TRAPPC9: variants seen among roughly 807,000 people sequenced by gnomAD.
TRAPPC9 encodes trafficking protein particle complex subunit 9, also known as IKK2 binding protein.
TRAPPC9 carries 83 observed loss-of-function variants against 124.0 expected under a neutral mutation model. The observed-to-expected ratio is 0.67, with a 90% confidence interval of 0.56 to 0.80. The LOEUF (loss-of-function observed/expected upper bound fraction) is 0.80. Among genes scored for constraint, TRAPPC9 ranks in the 30% least tolerant of loss-of-function variants. The pLI, the probability that TRAPPC9 is intolerant of heterozygous loss-of-function variation, is 0.00. For synonymous variants in TRAPPC9, 638 were observed against 617.5 expected, an observed-to-expected ratio of 1.03 and a Z score of -0.49; for missense variants, 1,302 against 1,508.3, an observed-to-expected ratio of 0.86 and a Z score of 2.27.
At position 140,114,332 on chromosome 8, in the gene TRAPPC9, G is replaced by GAAA. The variant is rs59499088; in HGVS notation, c.2557-90256_2557-90254dup. On this transcript the variant is annotated intron_variant, in intron 17 of 22. Coordinates refer to ENST00000438773, the MANE Select transcript of TRAPPC9 (RefSeq NM_001160372.4). ...GTTCATAAGGACGAAAAGGACTGAA[G>GAAA]AAAAAAAAAAAAAAAAAAACCTCAC... 6.6e-4 allele frequency among the ~76,000 whole-genome samples: 77 copies of GAAA among 117,030 alleles called. 1 individual carries two copies. The highest frequency in any genetic ancestry group is 1.5e-3 in the African/African-American group (48 of 31,590). The allele number at this position is 117,030 out of a possible 152,430, so 76.8% of individuals were successfully genotyped here.
intron 7 of TRAPPC9, among the ~76,000 whole-genome samples, chr8:140,383,036 G>T (rs1216189776): frequency 6.6e-6 from 1 of 152,250 alleles, no homozygotes; most frequent in Non-Finnish European, 1.5e-5. Flanking sequence ...CTCCGCTGCT[G>T]ATACCCAGGC....
chr8:139,932,653 AC>A (rs1195864551), intron 19 of TRAPPC9: 1 of 392,516 alleles, frequency 2.5e-6, no homozygotes, highest in Admixed American at 2.8e-5. Flanking sequence ...AGTCCCAGCT[AC>A]GTGGGAGGCT....
chr8:139,787,522 G>A (rs754917679), intron 21 of TRAPPC9, among the ~76,000 whole-genome samples: 5 of 152,106 alleles, frequency 3.3e-5, no homozygotes, highest in African/African-American at 7.2e-5. Flanking sequence ...CTTCTGCCCC[G>A]ACCCTGCAGA....
At chr8:140,317,006 T>C (rs1055498213) in intron 9 of TRAPPC9, among the ~76,000 whole-genome samples, 5 of 152,226 alleles carry the variant, frequency 3.3e-5, no homozygotes, top group Non-Finnish European at 7.3e-5. Context: ...TTTGTTGGCA[T>C]ATAATTGTTT....
intron 19 of TRAPPC9, among the ~76,000 whole-genome samples, chr8:139,971,196 T>G (rs919332158): frequency 6.6e-6 from 1 of 152,132 alleles, no homozygotes; most frequent in African/African-American, 2.4e-5. Context: ...CACACTCTCC[T>G]GCCTTCTCAT....
intron 10 of TRAPPC9, among the ~76,000 whole-genome samples, chr8:140,300,977 C>T (rs1251456093): frequency 2.0e-5 from 3 of 152,190 alleles, no homozygotes; most frequent in Non-Finnish European, 4.4e-5. Context: ...ACGTAGGTTC[C>T]TTGTGTATAA....
intron 16 of TRAPPC9, among the ~76,000 whole-genome samples, chr8:140,225,859 G>A (rs1276555593): frequency 6.6e-6 from 1 of 152,130 alleles, no homozygotes; most frequent in South Asian, 2.1e-4. Context: ...AGCTCCTCCC[G>A]AGGGAAGGCT....
At chr8:139,794,474 C>T (rs753550853) in intron 21 of TRAPPC9, among the ~76,000 whole-genome samples, 1 of 152,188 alleles carries the variant, frequency 6.6e-6, no homozygotes. Flanking sequence ...CAAAGGGGAG[C>T]GGTTTCGTTA....
At chr8:140,019,727 T>C (rs904893289) in intron 18 of TRAPPC9, among the ~76,000 whole-genome samples, 3 of 151,912 alleles carry the variant, frequency 2.0e-5, no homozygotes, top group Non-Finnish European at 2.9e-5. Context: ...AATTTTTCTA[T>C]GTTTAGTAGA....
At chr8:140,038,254 C>A (rs935151100) in intron 17 of TRAPPC9, among the ~76,000 whole-genome samples, 3 of 152,184 alleles carry the variant, frequency 2.0e-5, no homozygotes, top group African/African-American at 7.2e-5. Flanking sequence ...AAGGATTCCA[C>A]AGGTGCTGGT....
chr8:139,841,895 C>A (rs762857364), intron 21 of TRAPPC9, among the ~76,000 whole-genome samples: 10 of 152,224 alleles, frequency 6.6e-5, no homozygotes, highest in African/African-American at 1.9e-4. Flanking sequence ...GAAAGACAAG[C>A]CACAGGACAA....
At chr8:140,232,776 G>A (rs1180550099) in intron 16 of TRAPPC9, among the ~76,000 whole-genome samples, 2 of 152,162 alleles carry the variant, frequency 1.3e-5, no homozygotes, top group Non-Finnish European at 2.9e-5. Context: ...CCCAAAGAAA[G>A]CCACAGAAAT....
chr8:140,284,001 C>T lies in TRAPPC9; in HGVS notation c.2002G>A (p.Gly668Ser), dbSNP rs147687394. Reference protein sequence around the residue: ...TVNGYHTTVFGVFSDCLLDNL... With the variant: ...TVNGYHTTVFSVFSDCLLDNL... The stretch of plus-strand genomic sequence containing the variant: ...TCCAGCAAACAGTCACTGAACACAC[C>T]GAAGACCGTGGTATGGTAACCTGGA... The change falls in exon 14 of 23, where the codon GGT becomes AGT. Residue 668 changes from glycine (G) to serine (S), a missense_variant. Physicochemically the swap from Gly to Ser is moderately conservative, Grantham distance 56. Coordinates refer to ENST00000438773, the MANE Select transcript of TRAPPC9 (RefSeq NM_001160372.4). The T allele has an allele frequency of 5.2e-5, 84 of 1,613,978 alleles. No individual in the cohort carries two copies. Among genetic ancestry groups the T allele is most frequent in the Non-Finnish European group, 6.6e-5 (78 of 1,180,008 alleles).
At chr8:139,993,561 T>C (rs1167413519) in intron 18 of TRAPPC9, among the ~76,000 whole-genome samples, 1 of 152,190 alleles carries the variant, frequency 6.6e-6, no homozygotes, top group Non-Finnish European at 1.5e-5. Context: ...AACTCAGAGT[T>C]TGGTAAAGGG....
At chr8:139,799,768 G>T (rs775324457) in intron 21 of TRAPPC9, among the ~76,000 whole-genome samples, 24 of 152,320 alleles carry the variant, frequency 1.6e-4, no homozygotes, top group Non-Finnish European at 2.5e-4. Context: ...AGCGGGGCTG[G>T]GCAGCCTTGG....
rs543318663 is a variant in TRAPPC9, at chr8:139,832,458, C to T, written c.3055+53421G>A. 5.3e-5 allele frequency among the ~76,000 whole-genome samples: 8 copies of T among 152,254 alleles called. No homozygotes were observed. In the South Asian group the frequency reaches 1.0e-3, roughly 20 times the overall value. ...TGGTCTGGGACGAGCAGGTATGGCCCGAAGCAGGGGAGGCTGGTGGGGGTG... is the reference window on the plus strand; with the variant it reads ...TGGTCTGGGACGAGCAGGTATGGCCTGAAGCAGGGGAGGCTGGTGGGGGTG... On this transcript the variant is annotated intron_variant, in intron 21 of 22. Coordinates refer to ENST00000438773, the MANE Select transcript of TRAPPC9 (RefSeq NM_001160372.4).
chr8:140,232,231 C>T (rs914101885), intron 16 of TRAPPC9, among the ~76,000 whole-genome samples: 24 of 152,140 alleles, frequency 1.6e-4, no homozygotes, highest in Middle Eastern at 3.4e-3. Context: ...AGCCACTGCG[C>T]CTGACCATAA....
At chr8:140,265,663 C>A (rs2064622882) in intron 15 of TRAPPC9, among the ~76,000 whole-genome samples, 1 of 152,196 alleles carries the variant, frequency 6.6e-6, no homozygotes, top group African/African-American at 2.4e-5. Flanking sequence ...TCACCAATTT[C>A]TTTCCCCTGT....
At chr8:139,938,683 G>A (rs1401792148) in intron 19 of TRAPPC9, among the ~76,000 whole-genome samples, 2 of 150,668 alleles carry the variant, frequency 1.3e-5, no homozygotes, top group Admixed American at 6.6e-5. Flanking sequence ...CTGTCGCCCA[G>A]GCCGGACTGT....
Sources: gnomAD v4.1 joint callset for allele counts (sites outside exome capture counted in the v4.1 genomes callset) on GRCh38, gnomAD v4.1.1 for gene constraint, MANE v1.5 for transcripts, NCBI Gene and HGNC (gene_info 2026-07-23, HGNC 2026-07-21) for gene names.